Variants in FAM83F observed in about 807,000 individuals in gnomAD.
FAM83F encodes the protein protein FAM83F.
Under a neutral mutation model 42.9 loss-of-function variants are expected in FAM83F, and 45 were observed. The ratio of observed to expected loss-of-function variants is 1.05; its 90% CI spans 0.83 to 1.35. FAM83F has a LOEUF of 1.35. Among genes scored for constraint, FAM83F ranks in the 40% most tolerant of loss-of-function variants. FAM83F has a pLI of 0.00. For missense variants in FAM83F, 617 were observed against 695.9 expected (o/e 0.89, Z 1.28); for synonymous variants, 306 against 298.3 (o/e 1.03, Z -0.27).
rs2067645161 is a variant in FAM83F at position 40,040,180 on chromosome 22, C to G, written c.*10615C>G. The G allele has an allele frequency of 6.6e-6, 1 of 152,228 alleles. No individual in the cohort carries two copies. Among genetic ancestry groups the G allele is most frequent in the Admixed American group, 6.5e-5 (1 of 15,278 alleles). 9.4% of individuals were successfully genotyped at this position (152,228 alleles called of 1,614,324 possible). On this transcript the variant is annotated 3_prime_UTR_variant, in exon 5 of 5. Coordinates refer to ENST00000333407, the MANE Select transcript of FAM83F (RefSeq NM_138435.4). Reference sequence around the variant, plus strand: ...GAGATACTAAAGACTACGAGGACAACTGTTCATTGAGGGCTGGTCATCTCC... The same window carrying G: ...GAGATACTAAAGACTACGAGGACAAGTGTTCATTGAGGGCTGGTCATCTCC...
chr22:40,035,870 T>C lies in FAM83F; in HGVS notation c.*6305T>C, dbSNP rs1393100857. The C allele has an allele frequency of 6.6e-6, 1 of 152,174 alleles. No homozygotes were observed. The highest frequency in any genetic ancestry group is 1.5e-5 in the Non-Finnish European group (1 of 68,066). The allele number at this position is 152,174 out of a possible 1,614,324, so 9.4% of individuals were successfully genotyped here. A position where few individuals can be genotyped will look rare whatever the true frequency, so the allele number is the denominator to read the frequency against. ...GGGTTGTGACCTCCAGTGGCTTATT[T>C]TCCTTTTGGGATCTTCTCTCCTAGA... On this transcript the variant is annotated 3_prime_UTR_variant, in exon 5 of 5. Coordinates refer to ENST00000333407, the MANE Select transcript of FAM83F (RefSeq NM_138435.4).
At chr22:40,012,315 A>C (rs2067469528) in intron 1 of FAM83F, among the ~76,000 whole-genome samples, 2 of 151,808 alleles carry the variant, frequency 1.3e-5, no homozygotes, top group African/African-American at 4.8e-5. Context: ...TTGTATTTTT[A>C]GTAGAGATGG....
Position 40,033,430 on chromosome 22 carries a change from A to G in FAM83F, c.*3865A>G, listed in dbSNP as rs934073330. 7.9e-5 allele frequency: 12 copies of G among 151,542 alleles called. No homozygotes were observed. Among genetic ancestry groups the G allele is most frequent in the African/African-American group, 2.4e-4 (10 of 41,258 alleles). The allele number at this position is 151,542 out of a possible 1,614,324, so 9.4% of individuals were successfully genotyped here. On this transcript the variant is annotated 3_prime_UTR_variant, in exon 5 of 5. Transcript: ENST00000333407. Reference sequence around the variant, plus strand: ...CATCTTTCAGATGAGGAGGCACACAACTCTCCCCAGATCCCACGTCACAGA... The same window carrying G: ...CATCTTTCAGATGAGGAGGCACACAGCTCTCCCCAGATCCCACGTCACAGA...
At position 40,021,053 on chromosome 22, in the gene FAM83F, G is replaced by A. The variant is rs954089707; in HGVS notation, c.780-237G>A. Reference sequence around the variant, plus strand: ...GAATATAAACCAGGTTTAAATGCAGGCCTGACTTCCCATGCTCTTTCCCTG... The same window carrying A: ...GAATATAAACCAGGTTTAAATGCAGACCTGACTTCCCATGCTCTTTCCCTG... On this transcript the variant is annotated intron_variant, in intron 3 of 4. Coordinates refer to ENST00000333407, the MANE Select transcript of FAM83F (RefSeq NM_138435.4). The surrounding 1 kb of genome is among the most constrained non-coding windows in gnomAD (Gnocchi z 8.7). Among the ~76,000 whole-genome samples, 3 of 152,132 alleles carry A rather than the reference G, an allele frequency of 2.0e-5. No homozygotes were observed. Among genetic ancestry groups the A allele is most frequent in the African/African-American group, 7.2e-5 (3 of 41,428 alleles).
Position 39,995,626 on chromosome 22 carries a change from C to T in FAM83F, c.489+95C>T, listed in dbSNP as rs2067370790. 4 of 1,435,236 alleles carry T rather than the reference C, an allele frequency of 2.8e-6. No individual in the cohort carries two copies. The South Asian group carries it at 5.9e-5, about 21-fold the overall frequency. The allele number at this position is 1,435,236 out of a possible 1,614,324, so 88.9% of individuals were successfully genotyped here. On this transcript the variant is annotated intron_variant, in intron 1 of 4. Coordinates refer to ENST00000333407, the MANE Select transcript of FAM83F (RefSeq NM_138435.4). The surrounding 1 kb of genome is among the most constrained non-coding windows in gnomAD (Gnocchi z 4.6). Reference sequence around the variant, plus strand: ...CCAGGCAGGGCCCGGGGCAGGCCGCCCTGAGCACCCTCTGGAAAATGGGCC... The same window carrying T: ...CCAGGCAGGGCCCGGGGCAGGCCGCTCTGAGCACCCTCTGGAAAATGGGCC...
At chr22:40,004,267 AATTTT>A (rs59445798) in intron 1 of FAM83F, among the ~76,000 whole-genome samples, 34,228 of 133,500 alleles carry the variant, frequency 0.26, 4,600 homozygotes, top group South Asian at 0.39. Flanking sequence ...GCCCTTTTAG[AATTTT>A]ATTTTATTTT....
At chr22:40,013,069 C>G (rs1394814622) in intron 1 of FAM83F, among the ~76,000 whole-genome samples, 2 of 119,890 alleles carry the variant, frequency 1.7e-5, no homozygotes, top group South Asian at 2.6e-4. Flanking sequence ...GGCGACAGAG[C>G]GAGACTCCGT....
intron 1 of FAM83F, among the ~76,000 whole-genome samples, chr22:40,015,022 C>T (rs552766220): frequency 6.6e-6 from 1 of 152,320 alleles, no homozygotes; most frequent in African/African-American, 2.4e-5. Context: ...TAATTCCCAT[C>T]CTCAGTGCCT....
chr22:40,001,083 A>G (rs2067398842), intron 1 of FAM83F, among the ~76,000 whole-genome samples: 1 of 152,234 alleles, frequency 6.6e-6, no homozygotes, highest in South Asian at 2.1e-4. Context: ...CTGTCCAGGT[A>G]TTCCTGGCAA....
chr22:40,026,130 G>A (rs1400606978), intron 4 of FAM83F, among the ~76,000 whole-genome samples: 1 of 152,226 alleles, frequency 6.6e-6, no homozygotes. Context: ...GGCTGCCCAG[G>A]GAGAAAGGGC....
At chr22:39,999,674 G>GCCAGTGACC (rs758549670) in intron 1 of FAM83F, among the ~76,000 whole-genome samples, 1 of 152,176 alleles carries the variant, frequency 6.6e-6, no homozygotes, top group East Asian at 1.9e-4. Flanking sequence ...TACCAGTGAC[G>GCCAGTGACC]CCAGTGACCC....
chr22:40,013,082 CAAAA>C (rs754625979), intron 1 of FAM83F, among the ~76,000 whole-genome samples: 3 of 46,410 alleles, frequency 6.5e-5, no homozygotes, highest in Admixed American at 3.3e-4. Context: ...GACTCCGTTT[CAAAA>C]AAAAAAAAAA....
intron 1 of FAM83F, among the ~76,000 whole-genome samples, chr22:40,018,185 C>G (rs771405281): frequency 2.0e-4 from 31 of 152,308 alleles, no homozygotes; most frequent in South Asian, 1.2e-3. Flanking sequence ...CACCTGAAGG[C>G]CAAGGGAATC....
chr22:40,024,615 C>T (rs2067540768), intron 4 of FAM83F, among the ~76,000 whole-genome samples: 2 of 152,344 alleles, frequency 1.3e-5, no homozygotes, highest in East Asian at 3.9e-4. Flanking sequence ...CGTCCCCTCC[C>T]TGGGGCTGTG....
chr22:40,021,374 C>G lies in FAM83F; in HGVS notation c.864C>G (p.Phe288Leu), dbSNP rs1244529098. The G allele has an allele frequency of 6.2e-6, 10 of 1,612,724 alleles. No individual in the cohort carries two copies. Among genetic ancestry groups the G allele is most frequent in the Non-Finnish European group, 8.5e-6 (10 of 1,179,062 alleles). Residue 288 changes from phenylalanine to leucine, a missense_variant, in exon 4 of 5, where the codon TTC becomes TTG. Physicochemically the swap from Phe to Leu is conservative, Grantham distance 22. Coordinates refer to ENST00000333407, the MANE Select transcript of FAM83F (RefSeq NM_138435.4). The surrounding 1 kb of genome is among the most constrained non-coding windows in gnomAD (Gnocchi z 8.7). Reference protein sequence around the residue: ...GQNVEPFDTEFRELYAISEEV... With the variant: ...GQNVEPFDTELRELYAISEEV... ...ACGTAGAGCCCTTTGACACGGAGTT[C>G]CGGGAGCTGTACGCCATCTCCGAGG... is the stretch of plus-strand genomic sequence containing the variant.
intron 1 of FAM83F, among the ~76,000 whole-genome samples, chr22:40,013,417 G>C (rs531713196): frequency 6.6e-6 from 1 of 152,122 alleles, no homozygotes; most frequent in Non-Finnish European, 1.5e-5. Context: ...ATGAAGTTTT[G>C]TGGATGTGTG....
chr22:40,038,865 G>T lies in FAM83F; in HGVS notation c.*9300G>T, dbSNP rs1233491346. ...CGTGAGTCTCACAACAGCCCCAACA[G>T]GCAAGTGTTATTTTCCTCAATTCTA... On this transcript the variant is annotated 3_prime_UTR_variant, in exon 5 of 5. Coordinates refer to ENST00000333407, the MANE Select transcript of FAM83F (RefSeq NM_138435.4). The T allele has an allele frequency of 6.6e-6, 1 of 152,256 alleles. No individual in the cohort carries two copies. The highest frequency in any genetic ancestry group is 6.5e-5 in the Admixed American group (1 of 15,280). 9.4% of individuals were successfully genotyped at this position (152,256 alleles called of 1,614,324 possible).
rs1282637396 is a variant in FAM83F at position 39,995,447 on chromosome 22, C to G, written c.405C>G (p.Val135=). 1.3e-6 allele frequency: 2 copies of G among 1,562,448 alleles called. No homozygotes were observed. The highest frequency in any genetic ancestry group is 3.7e-5 in the Admixed American group (2 of 53,364). Residue 135 remains valine (V), a synonymous_variant, in exon 1 of 5, where the codon GTC becomes GTG. Coordinates refer to ENST00000333407, the MANE Select transcript of FAM83F (RefSeq NM_138435.4). The surrounding 1 kb of genome is among the most constrained non-coding windows in gnomAD (Gnocchi z 4.6). ...GTTTCTACCGCGGCGTGAGCCGGGT[C>G]ACGCTCTTCACCCACCCGCCCAAGG... ...DTGFYRGVSR[V]TLFTHPPKDE...
At chr22:40,017,230 T>C (rs1422375636) in intron 1 of FAM83F, among the ~76,000 whole-genome samples, 1 of 147,552 alleles carries the variant, frequency 6.8e-6, no homozygotes, top group Admixed American at 6.7e-5. Context: ...ACTTTCTTTT[T>C]TTTTTTTTTT....
Sources: gnomAD v4.1 joint callset for allele counts (sites outside exome capture counted in the v4.1 genomes callset) on GRCh38, gnomAD v4.1.1 for gene constraint, Gnocchi (gnomAD v3.1) non-coding constraint, MANE v1.5 for transcripts, NCBI Gene and HGNC (gene_info 2026-07-23, HGNC 2026-07-21) for gene names.